Variants in KIAA0825 observed in about 807,000 individuals in gnomAD.
The protein encoded by KIAA0825 is uncharacterized protein KIAA0825.
In KIAA0825, 119 loss-of-function variants were observed where a neutral mutation model predicts 147.6. That is an observed-to-expected ratio of 0.81 (90% confidence interval 0.69 to 0.94). The LOEUF (loss-of-function observed/expected upper bound fraction) is 0.94. Ranked by LOEUF, KIAA0825 falls within the 40% of genes least tolerant of loss-of-function variation. KIAA0825 has a pLI of 0.00. For synonymous variants in KIAA0825, 470 were observed against 518.1 expected (o/e 0.91, Z 1.26); for missense variants, 1,381 against 1,472.7 (o/e 0.94, Z 1.02).
At chr5:94,563,312 C>T (rs914555844) in intron 2 of KIAA0825, among the ~76,000 whole-genome samples, 3 of 151,082 alleles carry the variant, frequency 2.0e-5, no homozygotes, top group African/African-American at 4.9e-5. Flanking sequence ...GAGCCGTGAT[C>T]GCACCACTGC....
chr5:94,178,009 A>G (rs1274194125), intron 20 of KIAA0825, among the ~76,000 whole-genome samples: 1 of 152,074 alleles, frequency 6.6e-6, no homozygotes, highest in African/African-American at 2.4e-5. Flanking sequence ...CCATATTTCA[A>G]TAAGATTTAC....
chr5:94,432,792 A>G (rs1755858199), intron 14 of KIAA0825, among the ~76,000 whole-genome samples: 2 of 152,106 alleles, frequency 1.3e-5, no homozygotes, highest in Admixed American at 1.3e-4. Flanking sequence ...TTGGGAAGCA[A>G]AGGTGGGAGG....
At chr5:94,306,922 G>A (rs1192637220) in intron 20 of KIAA0825, among the ~76,000 whole-genome samples, 2 of 151,718 alleles carry the variant, frequency 1.3e-5, no homozygotes, top group African/African-American at 2.4e-5. Flanking sequence ...AGAGATACCC[G>A]AACGTCATTA....
intron 20 of KIAA0825, among the ~76,000 whole-genome samples, chr5:94,378,383 G>C (rs1299764525): frequency 6.6e-6 from 1 of 152,126 alleles, no homozygotes; most frequent in Non-Finnish European, 1.5e-5. Flanking sequence ...GTATAAGTTT[G>C]CTTAGGATAA....
intron 20 of KIAA0825, among the ~76,000 whole-genome samples, chr5:94,292,126 C>G (rs1006380417): frequency 1.9e-4 from 29 of 152,182 alleles, no homozygotes; most frequent in African/African-American, 6.7e-4. Context: ...TTGCCCTGGC[C>G]AGAACTTCCA....
chr5:94,532,254 C>T (rs1770942536), intron 3 of KIAA0825, among the ~76,000 whole-genome samples: 1 of 152,082 alleles, frequency 6.6e-6, no homozygotes, highest in Non-Finnish European at 1.5e-5. Flanking sequence ...CTCAAGCGAT[C>T]CTTCCACCTC....
chr5:94,530,269 C>CA (rs1274691264), intron 3 of KIAA0825, among the ~76,000 whole-genome samples: 1 of 30,626 alleles, frequency 3.3e-5, no homozygotes, highest in South Asian at 7.7e-4. Flanking sequence ...AAAACTCCGT[C>CA]ACAAAAAAAA....
At chr5:94,508,593 G>C (rs951594961) in intron 5 of KIAA0825, among the ~76,000 whole-genome samples, 2 of 152,182 alleles carry the variant, frequency 1.3e-5, no homozygotes, top group African/African-American at 4.8e-5. Context: ...AGCATTTACC[G>C]GCTGAGAGTT....
At chr5:94,377,684 G>A (rs1747781524) in intron 20 of KIAA0825, among the ~76,000 whole-genome samples, 1 of 152,098 alleles carries the variant, frequency 6.6e-6, no homozygotes, top group Non-Finnish European at 1.5e-5. Context: ...TGATATATAT[G>A]TTGATTTTCT....
At chr5:94,384,253 G>A (rs541144881) in intron 20 of KIAA0825, 115 bp downstream of exon 20, 2 of 709,874 alleles carry the variant, frequency 2.8e-6, no homozygotes, top group Non-Finnish European at 4.6e-6. Context: ...CTGATAAAAT[G>A]TTTTCACTTT....
chr5:94,328,842 T>G (rs999711330), intron 20 of KIAA0825, among the ~76,000 whole-genome samples: 1 of 152,056 alleles, frequency 6.6e-6, no homozygotes, highest in Non-Finnish European at 1.5e-5. Context: ...TGATGAAGAA[T>G]AATAACAAAT....
At chr5:94,596,764 T>G (rs1293450549) in intron 1 of KIAA0825, among the ~76,000 whole-genome samples, 1 of 152,206 alleles carries the variant, frequency 6.6e-6, no homozygotes, top group Non-Finnish European at 1.5e-5. Flanking sequence ...ATCAGTGTTT[T>G]GTAATTGTCA....
chr5:94,545,714 C>T (rs1774217751), intron 2 of KIAA0825, among the ~76,000 whole-genome samples: 1 of 152,174 alleles, frequency 6.6e-6, no homozygotes, highest in Admixed American at 6.5e-5. Flanking sequence ...CAACGCTATC[C>T]AGGTAGTATA....
intron 20 of KIAA0825, among the ~76,000 whole-genome samples, chr5:94,271,663 G>A (rs754121138): frequency 8.6e-5 from 13 of 151,964 alleles, no homozygotes; most frequent in South Asian, 4.1e-4. Context: ...CGGGAGAATC[G>A]TTGAACCTGG....
chr5:94,269,171 C>T (rs921067154), intron 20 of KIAA0825, among the ~76,000 whole-genome samples: 6 of 151,822 alleles, frequency 4.0e-5, no homozygotes, highest in African/African-American at 7.3e-5. Context: ...CTGAGAGCTC[C>T]GTAAAGACAT....
intron 20 of KIAA0825, among the ~76,000 whole-genome samples, chr5:94,244,949 C>G (rs1386932844): frequency 6.6e-6 from 1 of 152,166 alleles, no homozygotes; most frequent in Non-Finnish European, 1.5e-5. Flanking sequence ...AAAGTATATA[C>G]TGAATCTTAG....
intron 6 of KIAA0825, among the ~76,000 whole-genome samples, chr5:94,482,176 A>G (rs915241660): frequency 1.3e-5 from 2 of 152,110 alleles, no homozygotes; most frequent in Non-Finnish European, 2.9e-5. Context: ...TATCTCTACA[A>G]AATCTCTTGT....
Position 94,264,544 on chromosome 5 carries a change from A to G in KIAA0825, c.3711-110420T>C, listed in dbSNP as rs968345907. Among the ~76,000 whole-genome samples the G allele has an allele frequency of 9.2e-5, 14 of 152,148 alleles. 1 individual carries two copies. The highest frequency in any genetic ancestry group is 3.4e-4 in the African/African-American group (14 of 41,436). ...TTATCTTTCAAGCCTCAGAAACAGG[A>G]CTTCATGCCTCATGTACATCATAAA... On this transcript the variant is annotated intron_variant, in intron 20 of 20. Transcript: ENST00000682413.
intron 5 of KIAA0825, among the ~76,000 whole-genome samples, chr5:94,487,790 A>C (rs1763230909): frequency 6.6e-6 from 1 of 152,102 alleles, no homozygotes; most frequent in South Asian, 2.1e-4. Flanking sequence ...CAAAACAAAC[A>C]AACAAACAAA....
Sources: allele counts gnomAD v4.1 joint callset (sites outside exome capture counted in the v4.1 genomes callset), GRCh38; gene constraint gnomAD v4.1.1; transcripts MANE v1.5; gene names NCBI Gene and HGNC (gene_info 2026-07-23, HGNC 2026-07-21).